Variants in PRKG1 observed in about 807,000 individuals in gnomAD.
PRKG1 encodes cGMP-dependent protein kinase 1.
PRKG1 carries 35 observed loss-of-function variants against 88.1 expected under a neutral mutation model. The ratio of observed to expected loss-of-function variants is 0.40; its 90% CI spans 0.30 to 0.53. PRKG1 has a LOEUF of 0.53. Ranked by LOEUF, PRKG1 falls within the 20% of genes least tolerant of loss-of-function variation. The pLI is 0.59. For missense variants in PRKG1, 540 were observed against 839.8 expected (o/e 0.64, Z 4.41); for synonymous variants, 303 against 292.5 (o/e 1.04, Z -0.37).
At chr10:51,432,881 G>A (rs998275632) in intron 2 of PRKG1, among the ~76,000 whole-genome samples, 3 of 152,028 alleles carry the variant, frequency 2.0e-5, no homozygotes, top group Admixed American at 2.0e-4. Flanking sequence ...ACAATATCTT[G>A]CTGGGAGCAT....
At chr10:51,154,331 G>T (rs9414829) in intron 2 of PRKG1, among the ~76,000 whole-genome samples, 2,833 of 151,902 alleles carry the variant, frequency 0.019, 92 homozygotes, top group African/African-American at 0.065. Flanking sequence ...TGTCACAAAG[G>T]GGGTGATGTT....
At chr10:51,113,184 A>G (rs1482963266) in intron 1 of PRKG1, among the ~76,000 whole-genome samples, 4 of 152,224 alleles carry the variant, frequency 2.6e-5, no homozygotes, top group Non-Finnish European at 5.9e-5. Flanking sequence ...ATAGACATGG[A>G]TACTGATTCA....
chr10:51,896,383 A>G (rs1564697670), intron 4 of PRKG1, among the ~76,000 whole-genome samples: 1 of 152,018 alleles, frequency 6.6e-6, no homozygotes, highest in Non-Finnish European at 1.5e-5. Context: ...CCACAACTCT[A>G]TGCAGAAGGT....
chr10:51,069,730 G>A (rs1269783275), upstream of PRKG1, among the ~76,000 whole-genome samples: 2 of 151,992 alleles, frequency 1.3e-5, no homozygotes, highest in Admixed American at 1.3e-4. Context: ...TCAGTAATGT[G>A]GAAAGCAAAA....
chr10:51,139,532 T>C (rs2131952302), intron 1 of PRKG1, among the ~76,000 whole-genome samples: 1 of 152,214 alleles, frequency 6.6e-6, no homozygotes, highest in East Asian at 1.9e-4. Context: ...TCTAGGTTTA[T>C]TTGGTCTTTA....
chr10:51,252,269 T>C (rs940708248), intron 2 of PRKG1, among the ~76,000 whole-genome samples: 2 of 151,842 alleles, frequency 1.3e-5, no homozygotes, highest in Non-Finnish European at 2.9e-5. Context: ...TGATAACACT[T>C]TTGTTATTTG....
intron 3 of PRKG1, among the ~76,000 whole-genome samples, chr10:51,729,732 A>AAAAG (rs1842226930): frequency 6.6e-6 from 1 of 150,838 alleles, no homozygotes; most frequent in South Asian, 2.1e-4. Flanking sequence ...AAAAAAAAAA[A>AAAAG]AAGGATGAGA....
At chr10:51,250,667 C>A (rs1019784925) in intron 2 of PRKG1, among the ~76,000 whole-genome samples, 4 of 151,784 alleles carry the variant, frequency 2.6e-5, no homozygotes, top group African/African-American at 9.7e-5. Flanking sequence ...CTTTCTATCT[C>A]TGACAAGTGA....
At chr10:51,318,555 T>A (rs2132503831) in intron 2 of PRKG1, among the ~76,000 whole-genome samples, 1 of 152,232 alleles carries the variant, frequency 6.6e-6, no homozygotes, top group East Asian at 1.9e-4. Context: ...CTGAAGAGGA[T>A]CACATAAAGG....
At chr10:51,492,589 C>A (rs1214769788) in intron 3 of PRKG1, among the ~76,000 whole-genome samples, 6 of 152,078 alleles carry the variant, frequency 3.9e-5, no homozygotes, top group African/African-American at 1.4e-4. Flanking sequence ...TAATTTAATT[C>A]CTTATTTACA....
intron 3 of PRKG1, among the ~76,000 whole-genome samples, chr10:51,684,677 A>AG (rs941316098): frequency 1.1e-4 from 16 of 151,970 alleles, no homozygotes; most frequent in African/African-American, 3.9e-4. Context: ...GAGACCACCC[A>AG]GGTCATGGCA....
chr10:51,200,555 C>A (rs904213451), intron 2 of PRKG1, among the ~76,000 whole-genome samples: 2 of 152,104 alleles, frequency 1.3e-5, no homozygotes, highest in African/African-American at 4.8e-5. Flanking sequence ...AGATTGTAAC[C>A]ATGTTGAAGG....
At chr10:51,070,326 A>G (rs1843809686), upstream of PRKG1, among the ~76,000 whole-genome samples, 1 of 152,094 alleles carries the variant, frequency 6.6e-6, no homozygotes, top group Admixed American at 6.5e-5. Context: ...ATTTTTTGTG[A>G]TCTTGATTAT....
intron 2 of PRKG1, among the ~76,000 whole-genome samples, chr10:51,219,396 A>G (rs1838462354): frequency 6.6e-6 from 1 of 152,116 alleles, no homozygotes; most frequent in Admixed American, 6.6e-5. Context: ...ATCTAGGTAC[A>G]CAGTGGGATG....
At chr10:51,961,871 A>G (rs1843455887) in intron 5 of PRKG1, among the ~76,000 whole-genome samples, 1 of 152,186 alleles carries the variant, frequency 6.6e-6, no homozygotes, top group African/African-American at 2.4e-5. Context: ...AGTGATCCCA[A>G]GTAAGCCACC....
intron 5 of PRKG1, among the ~76,000 whole-genome samples, chr10:52,036,597 C>G (rs28868288): frequency 0.091 from 13,710 of 151,024 alleles, 782 homozygotes; most frequent in East Asian, 0.28. Flanking sequence ...GTAGAGGTAT[C>G]TTATACTTGT....
intron 2 of PRKG1, among the ~76,000 whole-genome samples, chr10:51,435,365 T>C (rs1164908939): frequency 1.3e-5 from 2 of 151,546 alleles, no homozygotes; most frequent in Non-Finnish European, 2.9e-5. Flanking sequence ...ACCACAGGTG[T>C]GAACTCCTGG....
chr10:51,067,212 G>C (rs1177625049), intron 1 of PRKG1, among the ~76,000 whole-genome samples: 2 of 151,192 alleles, frequency 1.3e-5, no homozygotes, highest in Non-Finnish European at 1.5e-5. Flanking sequence ...GTTAAGCCAT[G>C]GCATATGTTG....
intron 9 of PRKG1, among the ~76,000 whole-genome samples, chr10:52,209,612 T>A (rs1196963796): frequency 6.6e-6 from 1 of 152,164 alleles, no homozygotes; most frequent in African/African-American, 2.4e-5. Context: ...TTGACATATG[T>A]TTTTTGCCAG....
Sources: gnomAD v4.1 joint callset for allele counts (sites outside exome capture counted in the v4.1 genomes callset) on GRCh38, gnomAD v4.1.1 for gene constraint, MANE v1.5 for transcripts, NCBI Gene and HGNC (gene_info 2026-07-23, HGNC 2026-07-21) for gene names.